Variants in MYH7B observed in about 807,000 individuals in gnomAD.
The protein encoded by MYH7B is myosin heavy chain 7B, also known as myosin-7B.
Under a neutral mutation model 234.5 loss-of-function variants are expected in MYH7B, and 205 were observed. That is an observed-to-expected ratio of 0.87 (90% CI 0.78 to 0.98). MYH7B has a LOEUF of 0.98. MYH7B is among the 50% of genes least tolerant of loss of function. The pLI is 0.00. For synonymous variants in MYH7B, 1,193 were observed against 1,105.0 expected (o/e 1.08, Z -1.58); for missense variants, 2,652 against 2,633.4 (o/e 1.01, Z -0.15).
chr20:34,964,448 C>T (rs1021665808), intron 2 of MYH7B, among the ~76,000 whole-genome samples: 6 of 152,070 alleles, frequency 3.9e-5, no homozygotes, highest in Non-Finnish European at 7.4e-5. Context: ...GTAGGGACAC[C>T]GTGGAGCTAG....
intron 43 of MYH7B, 97 bp from the exon 44 acceptor site, chr20:35,001,851 A>G: frequency 6.6e-7 from 1 of 1,518,648 alleles, no homozygotes. Flanking sequence ...CAAAGTTGAG[A>G]ACCAGGAGGA....
chr20:34,989,509 A>C (rs1351800900), intron 19 of MYH7B, among the ~76,000 whole-genome samples: 1 of 152,164 alleles, frequency 6.6e-6, no homozygotes, highest in African/African-American at 2.4e-5. Flanking sequence ...AGTGAAGATG[A>C]CACCTCAGTG....
intron 2 of MYH7B, among the ~76,000 whole-genome samples, chr20:34,970,625 A>G (rs1322945317): frequency 2.0e-5 from 3 of 152,216 alleles, no homozygotes; most frequent in South Asian, 2.1e-4. Context: ...CAAGGGAGCT[A>G]TAGATAGATC....
chr20:34,988,304 G>C, intron 19 of MYH7B, 42 bp downstream of exon 19: 1 of 1,588,208 alleles, frequency 6.3e-7, no homozygotes, highest in Non-Finnish European at 8.6e-7. Context: ...GGGAGGGTGT[G>C]TGTGGTGAGC....
chr20:34,984,490 G>A (rs1428952368), intron 10 of MYH7B, among the ~76,000 whole-genome samples: 1 of 152,150 alleles, frequency 6.6e-6, no homozygotes, highest in African/African-American at 2.4e-5. Flanking sequence ...CTGGGGCTGT[G>A]CCACTCCCAC....
intron 19 of MYH7B, 127 bp from the exon 20 acceptor site, chr20:34,989,613 G>A (rs2082101349): frequency 1.1e-5 from 10 of 926,710 alleles, no homozygotes; most frequent in Middle Eastern, 3.4e-4. Context: ...CTGACCATCC[G>A]GGGAGATGGC....
intron 5 of MYH7B, 64 bp downstream of exon 5, chr20:34,978,160 A>G: frequency 6.3e-7 from 1 of 1,590,392 alleles, no homozygotes; most frequent in Non-Finnish European, 8.6e-7. Context: ...TCAGACCAGG[A>G]ATTGGGAGGG....
intron 2 of MYH7B, among the ~76,000 whole-genome samples, chr20:34,959,583 T>C (rs2147146896): frequency 6.6e-6 from 1 of 151,956 alleles, no homozygotes; most frequent in East Asian, 1.9e-4. Context: ...GTTCAGGCAA[T>C]TCTCCTGCCT....
exon 11 of MYH7B, chr20:34,984,714 G>T (rs749392595): frequency 6.2e-7 from 1 of 1,605,606 alleles, no homozygotes; most frequent in South Asian, 1.1e-5. Flanking sequence ...ACAAAGACGG[G>T]GGTGAGTATG....
chr20:34,991,214 G>C, intron 24 of MYH7B, 93 bp downstream of exon 24: 1 of 880,812 alleles, frequency 1.1e-6, no homozygotes, highest in Non-Finnish European at 1.7e-6. Flanking sequence ...ACGGTCCCCT[G>C]TCTGGAGGGG....
intron 13 of MYH7B, 36 bp from the exon 14 acceptor site, chr20:34,986,064 T>C (rs1179782296): frequency 5.3e-6 from 8 of 1,513,978 alleles, no homozygotes; most frequent in Non-Finnish European, 7.2e-6. Context: ...TCTGGGGAGG[T>C]GTGGGAGATG....
intron 24 of MYH7B, among the ~76,000 whole-genome samples, chr20:34,991,864 T>C (rs1346060615): frequency 6.6e-6 from 1 of 152,252 alleles, no homozygotes; most frequent in Non-Finnish European, 1.5e-5. Flanking sequence ...TCTAACAGTC[T>C]GGCCTGGAGA....
At chr20:34,962,745 A>G (rs1285308669) in intron 2 of MYH7B, among the ~76,000 whole-genome samples, 1 of 152,176 alleles carries the variant, frequency 6.6e-6, no homozygotes, top group Non-Finnish European at 1.5e-5. Flanking sequence ...CTCCTGTCTC[A>G]GCTTCCCAAG....
chr20:35,002,340 T>G lies in MYH7B; in HGVS notation c.*152T>G, dbSNP rs2082409856. The G allele has an allele frequency of 8.3e-6, 7 of 840,930 alleles. No individual in the cohort carries two copies. In the South Asian group the frequency reaches 1.9e-4, roughly 22 times the overall value. 52.1% of individuals were successfully genotyped at this position (840,930 alleles called of 1,614,324 possible). A position where few individuals can be genotyped will look rare whatever the true frequency, so the allele number is the denominator to read the frequency against. On this transcript the variant is annotated 3_prime_UTR_variant, in exon 45 of 45. Coordinates refer to ENST00000262873, the Ensembl canonical transcript of MYH7B. ...AACACCACAGCCAGTTTCCTTCTCA[T>G]TCTTTTCTTTGGGGTTCAGGAGGAA...
intron 9 of MYH7B, 128 bp downstream of exon 9, chr20:34,981,188 G>C: frequency 8.3e-7 from 1 of 1,200,408 alleles, no homozygotes; most frequent in Non-Finnish European, 1.2e-6. Flanking sequence ...CCTGGAGCTA[G>C]TGTCCCAGCT....
chr20:34,996,839 G>A (rs2082269048), intron 30 of MYH7B, 81 bp downstream of exon 30: 1 of 1,546,550 alleles, frequency 6.5e-7, no homozygotes. Context: ...TGTGGTTCCT[G>A]CGGCATTGCA....
chr20:35,000,239 T>C, intron 38 of MYH7B, 54 bp from the exon 39 acceptor site: 1 of 1,507,220 alleles, frequency 6.6e-7, no homozygotes, highest in Non-Finnish European at 8.8e-7. Flanking sequence ...TGGGCATTTG[T>C]AAGGACAGGT....
Position 34,999,564 on chromosome 20 carries a change from A to G in MYH7B, c.4541-7A>G, listed in dbSNP as rs1231614422. The G allele has an allele frequency of 1.9e-6, 3 of 1,595,950 alleles. No individual in the cohort carries two copies. Among genetic ancestry groups the G allele is most frequent in the Non-Finnish European group, 2.6e-6 (3 of 1,171,258 alleles). Reference sequence around the variant, plus strand: ...GGGGTGGCCTCTCAGCACCCTGTCCACTGCAGAGGAGATCAGCGACCTCAC... The same window carrying G: ...GGGGTGGCCTCTCAGCACCCTGTCCGCTGCAGAGGAGATCAGCGACCTCAC... On this transcript the variant is annotated splice_polypyrimidine_tract_variant and splice_region_variant and intron_variant, in intron 36 of 44. Transcript: ENST00000262873.
At chr20:34,994,179 T>A in exon 27 of MYH7B, 1 of 1,613,414 alleles carries the variant, frequency 6.2e-7, no homozygotes, top group South Asian at 1.1e-5. Flanking sequence ...GGAACATCCG[T>A]GCCTTCAATG....
Sources: gnomAD v4.1 joint callset for allele counts (sites outside exome capture counted in the v4.1 genomes callset) on GRCh38, gnomAD v4.1.1 for gene constraint, MANE v1.5 for transcripts, NCBI Gene and HGNC (gene_info 2026-07-23, HGNC 2026-07-21) for gene names.